The following TMPRSS2 variants were observed in gnomAD, a reference collection of about 807,000 sequenced individuals.
The protein encoded by TMPRSS2 is transmembrane serine protease 2.
In TMPRSS2, 59 loss-of-function variants were observed where a neutral mutation model predicts 67.4. The observed-to-expected ratio is 0.88, with a 90% CI of 0.71 to 1.09. The LOEUF is 1.09. TMPRSS2 is among the 50% of genes least tolerant of loss of function. The probability of loss-of-function intolerance (pLI) is 0.00; values close to 1 mark genes in which losing one functional copy is unlikely to be tolerated. For missense variants in TMPRSS2, 668 were observed against 642.7 expected (o/e 1.04, Z -0.43); for synonymous variants, 257 against 257.0 (o/e 1.00, Z 0.00).
chr21:41,484,444 A>G (rs1030297705), intron 5 of TMPRSS2, among the ~76,000 whole-genome samples: 1 of 152,212 alleles, frequency 6.6e-6, no homozygotes, highest in African/African-American at 2.4e-5. Flanking sequence ...AGCGCTACAC[A>G]CATTTTTGAA....
chr21:41,498,192 A>G lies in TMPRSS2; in HGVS notation c.-56-3T>C. ...GTATCTGGAATGTTCAATATGACCT[A>G]GAAGAAAGAATTACAGGACTGTAAT... is the stretch of plus-strand genomic sequence containing the variant. On this transcript the variant is annotated splice_region_variant and splice_polypyrimidine_tract_variant and intron_variant, in intron 1 of 13. Coordinates refer to ENST00000332149, the MANE Select transcript of TMPRSS2 (RefSeq NM_005656.4). The G allele has an allele frequency of 6.2e-7, 1 of 1,601,444 alleles. No homozygotes were observed. Among genetic ancestry groups the G allele is most frequent in the South Asian group, 1.1e-5 (1 of 90,248 alleles).
At chr21:41,490,719 G>C (rs1039913679) in intron 3 of TMPRSS2, among the ~76,000 whole-genome samples, 1 of 152,238 alleles carries the variant, frequency 6.6e-6, no homozygotes, top group Non-Finnish European at 1.5e-5. Flanking sequence ...GAGAGGCATG[G>C]CAGAGTCAGA....
chr21:41,508,107 G>A lies in TMPRSS2; in HGVS notation c.-83C>T. On this transcript the variant is annotated 5_prime_UTR_variant, in exon 1 of 14. Transcript: ENST00000332149. ...TGCCGCGCTCCAGGCGGCGCTCCCC[G>A]CCCCTCGCCCTCCGCCTCCGCCTCC... 2 of 1,150,926 alleles carry A rather than the reference G, an allele frequency of 1.7e-6. No homozygotes were observed. Among genetic ancestry groups the A allele is most frequent in the Non-Finnish European group, 2.2e-6 (2 of 892,622 alleles). 71.3% of individuals were successfully genotyped at this position (1,150,926 alleles called of 1,614,324 possible).
chr21:41,507,908 C>A lies in TMPRSS2; in HGVS notation c.-57+173G>T, dbSNP rs951118351. 48 of 1,494,044 alleles carry A rather than the reference C, an allele frequency of 3.2e-5. No individual in the cohort carries two copies. The East Asian group carries it at 1.1e-3, about 33-fold the overall frequency. The allele number at this position is 1,494,044 out of a possible 1,614,324, so 92.5% of individuals were successfully genotyped here. On this transcript the variant is annotated intron_variant, in intron 1 of 13. Transcript: ENST00000332149. ...CTCTCCCAGCACCCCGGGAGGCGCC[C>A]TGCCCGGCTGGCCCCAGCGCTCGAC...
At chr21:41,482,669 T>A (rs1341736899) in intron 5 of TMPRSS2, among the ~76,000 whole-genome samples, 1 of 152,232 alleles carries the variant, frequency 6.6e-6, no homozygotes, top group African/African-American at 2.4e-5. Flanking sequence ...GGTGAGTGAT[T>A]CCACATCCTA....
intron 1 of TMPRSS2, among the ~76,000 whole-genome samples, chr21:41,503,666 T>C (rs1203542740): frequency 2.0e-5 from 3 of 152,218 alleles, no homozygotes; most frequent in Admixed American, 6.5e-5. Flanking sequence ...AGTTCACATA[T>C]GGCCTGGAGC....
At chr21:41,479,645 G>T (rs1172626898) in intron 6 of TMPRSS2, among the ~76,000 whole-genome samples, 2 of 142,222 alleles carry the variant, frequency 1.4e-5, no homozygotes, top group East Asian at 2.0e-4. Flanking sequence ...TGATGGGGGG[G>T]CTTTGCTGTG....
At chr21:41,491,000 C>T (rs570544092) in intron 3 of TMPRSS2, among the ~76,000 whole-genome samples, 5 of 152,266 alleles carry the variant, frequency 3.3e-5, no homozygotes, top group East Asian at 1.9e-4. Context: ...GCTGAGGGCT[C>T]GATGCCATAC....
chr21:41,468,340 G>A, intron 12 of TMPRSS2, 56 bp downstream of exon 12: 1 of 1,599,444 alleles, frequency 6.3e-7, no homozygotes, highest in Non-Finnish European at 8.5e-7. Flanking sequence ...TCTCTCTCAT[G>A]GGGGGTTCAG....
chr21:41,466,994 C>T (rs1194930287), intron 13 of TMPRSS2, among the ~76,000 whole-genome samples: 1 of 152,174 alleles, frequency 6.6e-6, no homozygotes, highest in Non-Finnish European at 1.5e-5. Flanking sequence ...ACCCTGGCTG[C>T]TCCTGCCCTT....
At position 41,475,919 on chromosome 21, in the gene TMPRSS2, G is replaced by A. The variant is rs117888036; in HGVS notation, c.727+658C>T. Among the ~76,000 whole-genome samples the A allele has an allele frequency of 6.6e-5, 10 of 151,976 alleles. No individual in the cohort carries two copies. In the East Asian group the frequency reaches 9.7e-4, roughly 15 times the overall value. On this transcript the variant is annotated intron_variant, in intron 8 of 13. Coordinates refer to ENST00000332149, the MANE Select transcript of TMPRSS2 (RefSeq NM_005656.4). Reference sequence around the variant, plus strand: ...TGAGCCAGCCCTGCCGGGATGGGACGGTGTCAGCTCCTTCCACCTCTTCAA... The same window carrying A: ...TGAGCCAGCCCTGCCGGGATGGGACAGTGTCAGCTCCTTCCACCTCTTCAA...
At chr21:41,505,512 CT>C (rs2091451807) in intron 1 of TMPRSS2, among the ~76,000 whole-genome samples, 1 of 152,226 alleles carries the variant, frequency 6.6e-6, no homozygotes, top group Non-Finnish European at 1.5e-5. Flanking sequence ...GCACCAGCGT[CT>C]TGTCACTCAA....
At position 41,476,513 on chromosome 21, in the gene TMPRSS2, G is replaced by A. The variant is rs969311749; in HGVS notation, c.727+64C>T. The A allele has an allele frequency of 1.0e-5, 16 of 1,529,312 alleles. No individual in the cohort carries two copies. In the Admixed American group the frequency reaches 2.7e-4, roughly 26 times the overall value. 94.7% of individuals were successfully genotyped at this position (1,529,312 alleles called of 1,614,324 possible). On this transcript the variant is annotated intron_variant, in intron 8 of 13. Transcript: ENST00000332149. Reference sequence around the variant, plus strand: ...CGCCCCCAGAGACACAGGGAGTACTGTTCTGAAAGTAGAGAGCTTTTCCTA... The same window carrying A: ...CGCCCCCAGAGACACAGGGAGTACTATTCTGAAAGTAGAGAGCTTTTCCTA...
intron 7 of TMPRSS2, among the ~76,000 whole-genome samples, chr21:41,477,552 AC>A (rs1028177813): frequency 2.0e-5 from 3 of 151,228 alleles, no homozygotes; most frequent in African/African-American, 7.3e-5. Flanking sequence ...TCCTCCAACC[AC>A]CCCCAAACCA....
intron 2 of TMPRSS2, among the ~76,000 whole-genome samples, chr21:41,497,577 T>C (rs887176653): frequency 3.9e-5 from 6 of 152,210 alleles, no homozygotes; most frequent in Non-Finnish European, 8.8e-5. Flanking sequence ...AGATATAGAA[T>C]CTAGGAAGTG....
intron 8 of TMPRSS2, among the ~76,000 whole-genome samples, 161 bp downstream of exon 8, chr21:41,476,416 C>G (rs2091213408): frequency 6.6e-6 from 1 of 152,138 alleles, no homozygotes; most frequent in African/African-American, 2.4e-5. Flanking sequence ...AAATCTAAAC[C>G]AGGAGCTCCT....
intron 2 of TMPRSS2, among the ~76,000 whole-genome samples, chr21:41,495,642 A>AC (rs1222680892): frequency 7.0e-6 from 1 of 143,436 alleles, no homozygotes; most frequent in Non-Finnish European, 1.5e-5. Context: ...AAAAAAAAAA[A>AC]CCACTATGAA....
chr21:41,485,588 G>A (rs1444836872), intron 5 of TMPRSS2, among the ~76,000 whole-genome samples: 2 of 150,866 alleles, frequency 1.3e-5, no homozygotes, highest in Non-Finnish European at 2.9e-5. Context: ...CATCGAAGTT[G>A]CAGTGAGCCA....
rs373678323 is a variant in TMPRSS2 at position 41,469,767 on chromosome 21, G to A, written c.1171+881C>T. 1.1e-3 allele frequency among the ~76,000 whole-genome samples: 160 copies of A among 152,234 alleles called. 2 individuals carry two copies. The highest frequency in any genetic ancestry group is 3.7e-3 in the African/African-American group (155 of 41,556). On this transcript the variant is annotated intron_variant, in intron 11 of 13. Transcript: ENST00000332149. ...CCCCACCACCGACATCCAGAAGAGA[G>A]GTAAAGCTCCTGACAGCAGAGACAT...
Sources: allele counts gnomAD v4.1 joint callset (sites outside exome capture counted in the v4.1 genomes callset), GRCh38; gene constraint gnomAD v4.1.1; transcripts MANE v1.5; gene names NCBI Gene and HGNC (gene_info 2026-07-23, HGNC 2026-07-21).